THRB: variants seen among roughly 807,000 people sequenced by gnomAD.
THRB encodes the protein thyroid hormone receptor beta, also known as nuclear receptor subfamily 1 group A member 2.
A neutral mutation model predicts 47.8 loss-of-function variants in THRB; 12 were observed. The ratio of observed to expected loss-of-function variants is 0.25; its 90% CI spans 0.16 to 0.41. The LOEUF is 0.41. THRB is among the 10% of genes least tolerant of loss of function. The pLI, the probability that THRB is intolerant of heterozygous loss-of-function variation, is 1.00. For missense variants in THRB, 348 were observed against 589.2 expected, an observed-to-expected ratio of 0.59 and a Z score of 4.24; for synonymous variants, 218 against 212.2, an observed-to-expected ratio of 1.03 and a Z score of -0.24.
At chr3:24,388,203 G>A (rs1001165059) in intron 1 of THRB, among the ~76,000 whole-genome samples, 2 of 152,024 alleles carry the variant, frequency 1.3e-5, no homozygotes, top group African/African-American at 2.4e-5. Context: ...AGGTATAAAG[G>A]CCCAGCCCCG....
At chr3:24,438,057 G>C (rs1026265342) in intron 1 of THRB, among the ~76,000 whole-genome samples, 2 of 147,776 alleles carry the variant, frequency 1.4e-5, no homozygotes, top group South Asian at 2.2e-4. Flanking sequence ...TGGTCTTCAT[G>C]AGACTGACAG....
intron 1 of THRB, among the ~76,000 whole-genome samples, chr3:24,371,376 A>G (rs1284151849): frequency 1.3e-5 from 2 of 152,172 alleles, no homozygotes; most frequent in Non-Finnish European, 2.9e-5. Context: ...TATGTTTCAG[A>G]CATGATTCCT....
intron 3 of THRB, among the ~76,000 whole-genome samples, chr3:24,294,577 T>C (rs2056279047): frequency 6.6e-6 from 1 of 152,150 alleles, no homozygotes; most frequent in Non-Finnish European, 1.5e-5. Flanking sequence ...TGCTTCTCTT[T>C]TGGTCTTTGG....
intron 5 of THRB, among the ~76,000 whole-genome samples, chr3:24,186,012 A>G (rs1165084685): frequency 1.3e-5 from 2 of 152,192 alleles, no homozygotes; most frequent in Admixed American, 6.5e-5. Flanking sequence ...GACAGGCCCA[A>G]CCAAGAATGG....
Position 24,208,621 on chromosome 3 carries a change from G to C in THRB, c.23-18287C>G, listed in dbSNP as rs182109160. On this transcript the variant is annotated intron_variant, in intron 4 of 10. Coordinates refer to ENST00000646209, the MANE Select transcript of THRB (RefSeq NM_001354712.2). Reference sequence around the variant, plus strand: ...GGAAAGGATTCCCTATTTAATAAATGGTGCTGGGAAAACTGGGTAGCCATA... The same window carrying C: ...GGAAAGGATTCCCTATTTAATAAATCGTGCTGGGAAAACTGGGTAGCCATA... Among the ~76,000 whole-genome samples the C allele has an allele frequency of 8.4e-3, 1,279 of 152,260 alleles. 18 individuals carry two copies. Among genetic ancestry groups the C allele is most frequent in the African/African-American group, 0.029 (1,189 of 41,528 alleles).
chr3:24,405,492 T>C (rs2067749278), intron 1 of THRB, among the ~76,000 whole-genome samples: 1 of 151,912 alleles, frequency 6.6e-6, no homozygotes, highest in South Asian at 2.1e-4. Context: ...TTCATAGGAA[T>C]CCAGTGTCTT....
intron 1 of THRB, among the ~76,000 whole-genome samples, chr3:24,465,475 T>A (rs1003456348): frequency 2.0e-5 from 3 of 152,182 alleles, no homozygotes; most frequent in African/African-American, 7.2e-5. Flanking sequence ...TTATCTCGGC[T>A]CACTGCAACC....
At chr3:24,268,997 G>A (rs2052953156) in intron 3 of THRB, among the ~76,000 whole-genome samples, 1 of 152,094 alleles carries the variant, frequency 6.6e-6, no homozygotes, top group Non-Finnish European at 1.5e-5. Flanking sequence ...AGGCAACATG[G>A]CCCATGTCCT....
At chr3:24,277,229 A>AT (rs752584707) in intron 3 of THRB, among the ~76,000 whole-genome samples, 2 of 152,192 alleles carry the variant, frequency 1.3e-5, no homozygotes, top group Non-Finnish European at 2.9e-5. Flanking sequence ...GTCTGGAGAT[A>AT]TTTTTTATTG....
chr3:24,117,588 T>C lies in THRB; in HGVS notation c.*5296A>G, dbSNP rs1387244117. 2 of 152,232 alleles carry C rather than the reference T, an allele frequency of 1.3e-5. No individual in the cohort carries two copies. Among genetic ancestry groups the C allele is most frequent in the Admixed American group, 6.5e-5 (1 of 15,286 alleles). 9.4% of individuals were successfully genotyped at this position (152,232 alleles called of 1,614,324 possible). On this transcript the variant is annotated 3_prime_UTR_variant, in exon 11 of 11. Coordinates refer to ENST00000646209, the MANE Select transcript of THRB (RefSeq NM_001354712.2). Reference sequence around the variant, plus strand: ...ATTCTCCTTTCACTATATTTGGAGCTGTAAAGCTCATCCTGGAGCTATTGG... The same window carrying C: ...ATTCTCCTTTCACTATATTTGGAGCCGTAAAGCTCATCCTGGAGCTATTGG...
intron 3 of THRB, among the ~76,000 whole-genome samples, chr3:24,274,764 T>C (rs925962816): frequency 3.3e-5 from 5 of 152,190 alleles, no homozygotes; most frequent in African/African-American, 1.2e-4. Context: ...TTGGTGGTTG[T>C]TGGTTAATTA....
intron 1 of THRB, among the ~76,000 whole-genome samples, chr3:24,470,680 G>A (rs1413456216): frequency 6.6e-6 from 1 of 152,064 alleles, no homozygotes; most frequent in Admixed American, 6.5e-5. Context: ...GCAATGGTGC[G>A]ATCTCGGCTC....
chr3:24,412,984 C>CA (rs564343974), intron 1 of THRB, among the ~76,000 whole-genome samples: 3 of 151,108 alleles, frequency 2.0e-5, no homozygotes, highest in Admixed American at 1.3e-4. Context: ...ATCAATTTAC[C>CA]AAAAAAAACT....
chr3:24,142,853 A>G (rs1237954521), intron 8 of THRB, among the ~76,000 whole-genome samples: 4 of 152,238 alleles, frequency 2.6e-5, no homozygotes, highest in African/African-American at 9.6e-5. Context: ...ACCTCAAAAC[A>G]CTATGAAGTC....
intron 3 of THRB, among the ~76,000 whole-genome samples, chr3:24,245,571 T>G (rs1475567325): frequency 6.6e-6 from 1 of 152,080 alleles, no homozygotes; most frequent in African/African-American, 2.4e-5. Flanking sequence ...TTACCATGCC[T>G]CCCCGCACAG....
At chr3:24,313,346 G>C (rs1191573837) in intron 2 of THRB, among the ~76,000 whole-genome samples, 1 of 152,154 alleles carries the variant, frequency 6.6e-6, no homozygotes, top group African/African-American at 2.4e-5. Context: ...TTCACATCCA[G>C]AAATGCCTTG....
In THRB at chr3:24,396,701, T is replaced by G. The variant is rs557505256; in HGVS notation, c.-260-59330A>C. On this transcript the variant is annotated intron_variant, in intron 1 of 10. Coordinates refer to ENST00000646209, the MANE Select transcript of THRB (RefSeq NM_001354712.2). Reference sequence around the variant, plus strand: ...CTTCCATGGCTCTTTCTTTGAAATCTTTGTAAAGCAGTGTTCAAAAAGGTG... The same window carrying G: ...CTTCCATGGCTCTTTCTTTGAAATCGTTGTAAAGCAGTGTTCAAAAAGGTG... Among the ~76,000 whole-genome samples, 9 of 152,284 alleles carry G rather than the reference T, an allele frequency of 5.9e-5. No homozygotes were observed. In the South Asian group the frequency reaches 8.3e-4, roughly 14 times the overall value.
At chr3:24,236,877 G>T (rs1162430800) in intron 3 of THRB, among the ~76,000 whole-genome samples, 1 of 152,048 alleles carries the variant, frequency 6.6e-6, no homozygotes, top group Non-Finnish European at 1.5e-5. Context: ...CCAATGAAGT[G>T]AATAAATAAT....
chr3:24,271,430 G>A (rs1024136022), intron 3 of THRB, among the ~76,000 whole-genome samples: 1 of 152,178 alleles, frequency 6.6e-6, no homozygotes, highest in African/African-American at 2.4e-5. Context: ...AATGGCTGTG[G>A]GAACCAATGC....
Sources: gnomAD v4.1 joint callset for allele counts (sites outside exome capture counted in the v4.1 genomes callset) on GRCh38, gnomAD v4.1.1 for gene constraint, MANE v1.5 for transcripts, NCBI Gene and HGNC (gene_info 2026-07-23, HGNC 2026-07-21) for gene names.